Variants in HDAC4 observed in about 807,000 individuals in gnomAD.
HDAC4 encodes the protein histone deacetylase 4.
HDAC4 carries 16 observed loss-of-function variants against 135.1 expected under a neutral mutation model. The ratio of observed to expected loss-of-function variants is 0.12; its 90% CI spans 0.08 to 0.18. The LOEUF (loss-of-function observed/expected upper bound fraction) is 0.18, where lower values mean the gene tolerates loss of function less well. Among genes scored for constraint, HDAC4 ranks in the 10% least tolerant of loss-of-function variants. The pLI, the probability that HDAC4 is intolerant of heterozygous loss-of-function variation, is 1.00. For synonymous variants in HDAC4, 685 were observed against 653.4 expected, an observed-to-expected ratio of 1.05 and a Z score of -0.74; for missense variants, 1,143 against 1,511.8, an observed-to-expected ratio of 0.76 and a Z score of 4.05.
At chr2:239,122,587 C>A (rs2039787192) in intron 12 of HDAC4, among the ~76,000 whole-genome samples, 1 of 152,162 alleles carries the variant, frequency 6.6e-6, no homozygotes, top group South Asian at 2.1e-4. Flanking sequence ...TGCCACCATC[C>A]CGACCACAGG....
At chr2:239,250,687 G>C (rs1200033398) in intron 2 of HDAC4, among the ~76,000 whole-genome samples, 4 of 152,236 alleles carry the variant, frequency 2.6e-5, no homozygotes. Flanking sequence ...TCTCCAAGGA[G>C]AAGGGGCCAG....
chr2:239,244,671 C>G (rs1341297834), intron 2 of HDAC4, among the ~76,000 whole-genome samples: 1 of 152,162 alleles, frequency 6.6e-6, no homozygotes, highest in African/African-American at 2.4e-5. Context: ...TCAAATTCCC[C>G]CTAGGTCCTT....
chr2:239,322,763 G>A (rs909759662), intron 2 of HDAC4, among the ~76,000 whole-genome samples: 12 of 152,120 alleles, frequency 7.9e-5, no homozygotes, highest in African/African-American at 2.7e-4. Context: ...GCCCGGGTGT[G>A]GGTAGCCTGG....
At chr2:239,148,769 G>A (rs186441023) in intron 7 of HDAC4, among the ~76,000 whole-genome samples, 2,027 of 152,370 alleles carry the variant, frequency 0.013, 14 homozygotes, top group Non-Finnish European at 0.02. Context: ...GAGAGGAGGC[G>A]GGGGCCAGGC....
At chr2:239,346,984 CACA>C (rs1692749780) in intron 2 of HDAC4, among the ~76,000 whole-genome samples, 1 of 151,566 alleles carries the variant, frequency 6.6e-6, no homozygotes, top group Admixed American at 6.6e-5. Flanking sequence ...CCCTAACACA[CACA>C]CCCTGTCTAA....
At chr2:239,199,062 G>T (rs73002102) in intron 3 of HDAC4, among the ~76,000 whole-genome samples, 2 of 151,998 alleles carry the variant, frequency 1.3e-5, no homozygotes, top group Non-Finnish European at 2.9e-5. Flanking sequence ...ATTGTAATTA[G>T]CTGATGTATC....
chr2:239,077,548 G>C (rs558717855), intron 22 of HDAC4, among the ~76,000 whole-genome samples: 1 of 152,374 alleles, frequency 6.6e-6, no homozygotes, highest in South Asian at 2.1e-4. Flanking sequence ...TGAGGCTGTA[G>C]CTTATATGCT....
At chr2:239,190,873 G>T in intron 3 of HDAC4, 1 of 432,258 alleles carries the variant, frequency 2.3e-6, no homozygotes. Context: ...AGTAACACAG[G>T]AAGAAGGGTA....
At chr2:239,160,432 C>T (rs192804252) in intron 6 of HDAC4, among the ~76,000 whole-genome samples, 216 of 152,348 alleles carry the variant, frequency 1.4e-3, no homozygotes, top group Non-Finnish European at 2.4e-3. Context: ...AAGCTGGAAG[C>T]GGTGACTCAC....
chr2:239,328,764 T>C (rs1368668184), intron 2 of HDAC4, among the ~76,000 whole-genome samples: 1 of 152,186 alleles, frequency 6.6e-6, no homozygotes, highest in African/African-American at 2.4e-5. Flanking sequence ...GGGCGCCCGC[T>C]GGCCCTCTTT....
At chr2:239,319,810 G>A (rs529019529) in intron 2 of HDAC4, among the ~76,000 whole-genome samples, 10 of 152,220 alleles carry the variant, frequency 6.6e-5, no homozygotes, top group East Asian at 1.9e-4. Flanking sequence ...AATAGAAAAC[G>A]TATAGTATAA....
chr2:239,210,644 C>T (rs533326788), intron 3 of HDAC4, among the ~76,000 whole-genome samples: 1 of 152,316 alleles, frequency 6.6e-6, no homozygotes, highest in African/African-American at 2.4e-5. Context: ...CCAAAAGTGA[C>T]TCGCTTGTGA....
At chr2:239,127,911 C>T (rs2040306647) in intron 11 of HDAC4, among the ~76,000 whole-genome samples, 1 of 152,202 alleles carries the variant, frequency 6.6e-6, no homozygotes, top group African/African-American at 2.4e-5. Context: ...TCCAAGCCTC[C>T]CAGTGAGAGC....
In HDAC4 at chr2:239,167,050, G is replaced by A. The variant is rs1298794133; in HGVS notation, c.491-3127C>T. Among the ~76,000 whole-genome samples, 2 of 152,028 alleles carry A rather than the reference G, an allele frequency of 1.3e-5. No individual in the cohort carries two copies. The highest frequency in any genetic ancestry group is 4.8e-5 in the African/African-American group (2 of 41,388). ...AGGACCCAGATGGCCAGTTGTTGGA[G>A]GGGACTGCCCTGCAGGTCCCCCTAC... is the stretch of plus-strand genomic sequence containing the variant. On this transcript the variant is annotated intron_variant, in intron 5 of 26. Transcript: ENST00000543185. This position sits in a 1 kb window ranked among gnomAD's most constrained non-coding sequence, Gnocchi z 4.1.
intron 1 of HDAC4, among the ~76,000 whole-genome samples, chr2:239,364,339 T>C (rs1362112811): frequency 1.3e-5 from 2 of 152,212 alleles, no homozygotes; most frequent in Non-Finnish European, 2.9e-5. Context: ...CAGAACACCA[T>C]ACAGCAGTAA....
At chr2:239,380,085 C>T (rs1317489711) in intron 1 of HDAC4, among the ~76,000 whole-genome samples, 3 of 152,172 alleles carry the variant, frequency 2.0e-5, no homozygotes, top group African/African-American at 4.8e-5. Context: ...GGGTCGGGGG[C>T]GCGGCGTGGG....
At chr2:239,343,840 C>T (rs1029461147) in intron 2 of HDAC4, among the ~76,000 whole-genome samples, 2 of 152,038 alleles carry the variant, frequency 1.3e-5, no homozygotes, top group East Asian at 1.9e-4. Context: ...TGATGCGCTG[C>T]CCAGCCTCAG....
At position 239,134,621 on chromosome 2, in the gene HDAC4, A is replaced by G. The variant is rs1457346392; in HGVS notation, c.1001T>C (p.Val334Ala). The G allele has an allele frequency of 1.9e-6, 3 of 1,614,172 alleles. No homozygotes were observed. Among genetic ancestry groups the G allele is most frequent in the Admixed American group, 1.7e-5 (1 of 60,028 alleles). Residue 334 changes from valine to alanine, a missense_variant, in exon 10 of 27, where the codon GTG becomes GCG. Val to Ala is a moderately conservative substitution (Grantham distance 64). Transcript: ENST00000543185. ...PAETSLAHRLVAREGSAAPLP... is the reference protein window; with the variant it reads ...PAETSLAHRLAAREGSAAPLP... ...TGGAGCGGCCGAGCCTTCTCGTGCC[A>G]CAAGTCTGTGCGCCAAACTCGTCTG...
intron 3 of HDAC4, among the ~76,000 whole-genome samples, chr2:239,222,657 A>T (rs1178021868): frequency 6.6e-6 from 1 of 152,198 alleles, no homozygotes; most frequent in Admixed American, 6.5e-5. Context: ...ATGCTGCTAC[A>T]ATCACGTTAT....
Sources: allele counts gnomAD v4.1 joint callset (sites outside exome capture counted in the v4.1 genomes callset), GRCh38; gene constraint gnomAD v4.1.1; non-coding constraint Gnocchi (gnomAD v3.1); transcripts MANE v1.5; gene names NCBI Gene and HGNC (gene_info 2026-07-23, HGNC 2026-07-21).